DHRS12: variants seen among roughly 807,000 people sequenced by gnomAD.
DHRS12 encodes dehydrogenase/reductase SDR family member 12.
In DHRS12, 29 loss-of-function variants were observed where a neutral mutation model predicts 32.1. That is an observed-to-expected ratio of 0.90 (90% CI 0.67 to 1.23). The LOEUF is 1.23. DHRS12 is among the 50% of genes most tolerant of loss of function. DHRS12 has a pLI of 0.00. For missense variants in DHRS12, 330 were observed against 337.2 expected, an observed-to-expected ratio of 0.98 and a Z score of 0.17; for synonymous variants, 150 against 135.9, an observed-to-expected ratio of 1.10 and a Z score of -0.72.
chr13:51,780,820 TTGAG>T (rs1051519378), intron 4 of DHRS12, among the ~76,000 whole-genome samples: 1 of 152,216 alleles, frequency 6.6e-6, no homozygotes, highest in Admixed American at 6.5e-5. Context: ...ATTATATATC[TTGAG>T]TATGACATTT....
At chr13:51,803,951 G>T in intron 1 of DHRS12, 103 bp downstream of exon 1, 1 of 1,105,672 alleles carries the variant, frequency 9.0e-7, no homozygotes, top group Non-Finnish European at 1.2e-6. Context: ...GGCCCAGCGA[G>T]AGGGCGAAGG....
intron 1 of DHRS12, 91 bp downstream of exon 1, chr13:51,803,963 G>A: frequency 8.3e-7 from 1 of 1,203,232 alleles, no homozygotes; most frequent in Non-Finnish European, 1.1e-6. Flanking sequence ...GGGCGAAGGA[G>A]CCGCGGGCGC....
intron 8 of DHRS12, 63 bp downstream of exon 8, chr13:51,769,093 C>G: frequency 6.5e-7 from 1 of 1,545,960 alleles, no homozygotes; most frequent in South Asian, 1.2e-5. Flanking sequence ...AGGTGCGCCT[C>G]GAAGGCCCAG....
At chr13:51,774,201 C>T (rs1954199319) in intron 5 of DHRS12, 167 bp from the exon 6 acceptor site, 7 of 602,822 alleles carry the variant, frequency 1.2e-5, no homozygotes, top group Non-Finnish European at 5.9e-6. Context: ...TACATGTATT[C>T]TCCTACATGT....
downstream of DHRS12, chr13:51,767,915 A>C: frequency 1.8e-6 from 2 of 1,112,500 alleles, no homozygotes; most frequent in Non-Finnish European, 2.3e-6. Flanking sequence ...ATGATGGTTC[A>C]TCTCAAACTT....
At chr13:51,798,526 C>A (rs1955609920) in intron 2 of DHRS12, among the ~76,000 whole-genome samples, 1 of 152,124 alleles carries the variant, frequency 6.6e-6, no homozygotes. Context: ...TAAAAATCAC[C>A]CACTTGATTA....
downstream of DHRS12, chr13:51,767,791 G>C (rs997279625): frequency 4.0e-4 from 41 of 101,704 alleles, 7 homozygotes; most frequent in South Asian, 0.013. Flanking sequence ...CGGGGGGGGG[G>C]GGGGGGTGCA....
intron 4 of DHRS12, among the ~76,000 whole-genome samples, chr13:51,788,898 T>C (rs531215791): frequency 9.2e-5 from 14 of 151,768 alleles, no homozygotes; most frequent in Non-Finnish European, 1.8e-4. Context: ...TTGGGGACAA[T>C]CAGCGGGGCT....
In DHRS12 at chr13:51,777,082, T is replaced by C. The variant is rs772477246; in HGVS notation, c.341A>G (p.Glu114Gly). 7.4e-6 allele frequency: 12 copies of C among 1,613,948 alleles called. No homozygotes were observed. The highest frequency in any genetic ancestry group is 9.3e-6 in the Non-Finnish European group (11 of 1,180,028). Reference sequence around the variant, plus strand: ...CACCACTCGGGGGTCGTGTTCTTTCTCCAGCACAGGGATCAGGCCGGTCGT... The same window carrying C: ...CACCACTCGGGGGTCGTGTTCTTTCCCCAGCACAGGGATCAGGCCGGTCGT... ...ILTTGLIPVLEKEHDPRVITV... is the reference protein window; with the variant it reads ...ILTTGLIPVLGKEHDPRVITV... The change falls in exon 5 of 9, where the codon GAG (glutamate) becomes GGG (glycine). Residue 114 changes from glutamate (E) to glycine (G), a missense_variant. Coordinates refer to ENST00000444610, the MANE Select transcript of DHRS12 (RefSeq NM_001377533.1).
chr13:51,793,703 C>T (rs1234262160), intron 2 of DHRS12, among the ~76,000 whole-genome samples: 1 of 152,206 alleles, frequency 6.6e-6, no homozygotes, highest in Non-Finnish European at 1.5e-5. Flanking sequence ...ATATCTGAGT[C>T]AGCCAGGAGC....
intron 8 of DHRS12, 69 bp from the exon 9 acceptor site, chr13:51,768,365 T>C (rs1953847814): frequency 1.3e-6 from 2 of 1,530,388 alleles, no homozygotes; most frequent in African/African-American, 2.7e-5. Flanking sequence ...GTCCCTGTGC[T>C]GCTCAGGCCT....
chr13:51,759,884 C>T, the DHRS12 span: 1 of 1,224,550 alleles, frequency 8.2e-7, no homozygotes, highest in South Asian at 1.4e-5. Flanking sequence ...AACTAAAGAC[C>T]CTGAATGAAT....
chr13:51,801,661 G>C (rs1007902351), intron 1 of DHRS12, among the ~76,000 whole-genome samples: 1 of 152,190 alleles, frequency 6.6e-6, no homozygotes, highest in African/African-American at 2.4e-5. Context: ...GAATCTCTGT[G>C]AAAGGCTTTT....
At chr13:51,773,778 C>A (rs148057306) in intron 6 of DHRS12, 152 bp downstream of exon 6, 16 of 668,762 alleles carry the variant, frequency 2.4e-5, no homozygotes, top group Non-Finnish European at 4.2e-5. Context: ...CTGTGCTCCC[C>A]AAAGGGGAGC....
intron 4 of DHRS12, chr13:51,789,413 G>T: frequency 2.4e-6 from 1 of 419,700 alleles, no homozygotes. Context: ...TGTCAAACTG[G>T]ATTTAACTCT....
the DHRS12 span, among the ~76,000 whole-genome samples, chr13:51,757,900 TGTG>T: frequency 6.6e-6 from 1 of 152,186 alleles, no homozygotes; most frequent in South Asian, 2.1e-4. Context: ...GCAAAAGCCC[TGTG>T]GTTTTAAAAG....
intron 1 of DHRS12, among the ~76,000 whole-genome samples, chr13:51,802,169 TCACACACA>T (rs56270918): frequency 0.084 from 11,756 of 139,782 alleles, 582 homozygotes; most frequent in Middle Eastern, 0.13. Context: ...TCTCTATTTT[TCACACACA>T]CACACACACA....
chr13:51,797,326 T>G, intron 2 of DHRS12, among the ~76,000 whole-genome samples: 1 of 152,248 alleles, frequency 6.6e-6, no homozygotes, highest in East Asian at 1.9e-4. Flanking sequence ...CCACTAATTA[T>G]GTAGCCAATC....
intron 2 of DHRS12, among the ~76,000 whole-genome samples, chr13:51,796,650 C>T (rs1367305300): frequency 6.6e-6 from 1 of 152,234 alleles, no homozygotes; most frequent in Non-Finnish European, 1.5e-5. Flanking sequence ...GGAATCCAGG[C>T]AAACCTCCTC....
Sources: gnomAD v4.1 joint callset for allele counts (sites outside exome capture counted in the v4.1 genomes callset) on GRCh38, gnomAD v4.1.1 for gene constraint, MANE v1.5 for transcripts, NCBI Gene and HGNC (gene_info 2026-07-23, HGNC 2026-07-21) for gene names.